The following NTM variants were observed in gnomAD, a reference collection of about 807,000 sequenced individuals.
NTM encodes the protein IgLON family member 2.
In NTM, 13 loss-of-function variants were observed where a neutral mutation model predicts 42.1. The ratio of observed to expected loss-of-function variants is 0.31; its 90% CI spans 0.20 to 0.49. NTM has a LOEUF of 0.49. Among genes scored for constraint, NTM ranks in the 20% least tolerant of loss-of-function variants. NTM has a pLI of 0.99. For missense variants in NTM, 373 were observed against 452.8 expected (o/e 0.82, Z 1.60); for synonymous variants, 187 against 179.2 (o/e 1.04, Z -0.35).
At chr11:132,215,665 A>T (rs1185816929) in intron 4 of NTM, among the ~76,000 whole-genome samples, 2 of 152,180 alleles carry the variant, frequency 1.3e-5, no homozygotes, top group East Asian at 3.8e-4. Flanking sequence ...ACTTCCATTG[A>T]TTGTTTGAAT....
chr11:131,419,845 G>A (rs779132578), intron 1 of NTM, among the ~76,000 whole-genome samples: 46 of 152,272 alleles, frequency 3.0e-4, no homozygotes, highest in Middle Eastern at 6.8e-3. Context: ...AGAAATGCTG[G>A]CGGCTTAGAC....
chr11:131,508,942 G>C (rs1316683465), intron 1 of NTM, among the ~76,000 whole-genome samples: 2 of 146,222 alleles, frequency 1.4e-5, no homozygotes, highest in South Asian at 2.3e-4. Context: ...GCTAGATGAC[G>C]AGTTACTGGG....
intron 1 of NTM, among the ~76,000 whole-genome samples, chr11:131,635,615 C>A (rs1484388487): frequency 4.6e-5 from 7 of 151,960 alleles, no homozygotes; most frequent in Admixed American, 2.0e-4. Flanking sequence ...ACAAGTTGAG[C>A]TAAAGTTAAT....
chr11:131,888,415 T>A (rs1452439005), intron 1 of NTM, among the ~76,000 whole-genome samples: 1 of 152,152 alleles, frequency 6.6e-6, no homozygotes, highest in African/African-American at 2.4e-5. Flanking sequence ...CATGACTCAT[T>A]TTGACCCATC....
chr11:132,259,276 G>GA lies in NTM; in HGVS notation c.526+47138dup, dbSNP rs906228986. Among the ~76,000 whole-genome samples the GA allele has an allele frequency of 1.0e-4, 15 of 150,206 alleles. 1 individual carries two copies. The highest frequency in any genetic ancestry group is 8.4e-4 in the South Asian group (4 of 4,748). On this transcript the variant is annotated intron_variant, in intron 4 of 8. Coordinates refer to ENST00000683400, the MANE Select transcript of NTM (RefSeq NM_001352005.2). ...TAAATTCCAATGCATAAATTTAAAAGAAAAAAAAAGACCTTGAGGCAGGGT... is the reference window on the plus strand; with the variant it reads ...TAAATTCCAATGCATAAATTTAAAAGAAAAAAAAAAGACCTTGAGGCAGGGT...
chr11:132,189,982 C>A (rs983595173), intron 3 of NTM, among the ~76,000 whole-genome samples: 1 of 152,110 alleles, frequency 6.6e-6, no homozygotes, highest in Non-Finnish European at 1.5e-5. Context: ...GGTACATATA[C>A]GAATAGTTGC....
intron 4 of NTM, among the ~76,000 whole-genome samples, chr11:132,218,844 C>T (rs967819380): frequency 2.0e-5 from 3 of 152,160 alleles, no homozygotes; most frequent in Admixed American, 1.3e-4. Flanking sequence ...ACAATGACTG[C>T]ATTTCCATGA....
At chr11:131,772,321 T>A (rs2086240073) in intron 1 of NTM, among the ~76,000 whole-genome samples, 1 of 152,164 alleles carries the variant, frequency 6.6e-6, no homozygotes, top group African/African-American at 2.4e-5. Flanking sequence ...CTCCCCAACT[T>A]GAATGTGGGA....
intron 1 of NTM, among the ~76,000 whole-genome samples, chr11:131,434,360 C>T (rs1417474299): frequency 1.3e-5 from 2 of 152,166 alleles, no homozygotes; most frequent in Admixed American, 1.3e-4. Flanking sequence ...GAGGAATTGC[C>T]ACACTGTCTT....
chr11:131,651,386 T>G (rs979813271), intron 1 of NTM, among the ~76,000 whole-genome samples: 3 of 152,260 alleles, frequency 2.0e-5, no homozygotes, highest in Non-Finnish European at 4.4e-5. Context: ...CATTGTTATC[T>G]GCATTCAAAT....
At chr11:132,269,275 C>T (rs2093366115) in intron 4 of NTM, among the ~76,000 whole-genome samples, 1 of 151,778 alleles carries the variant, frequency 6.6e-6, no homozygotes, top group Non-Finnish European at 1.5e-5. Context: ...ACAGAGAGGG[C>T]AATACTAGTG....
Position 131,813,016 on chromosome 11 carries a change from C to T in NTM, c.83-98548C>T, listed in dbSNP as rs560399846. On this transcript the variant is annotated intron_variant, in intron 1 of 8. Transcript: ENST00000683400. ...TTTTATGACAACGTTTCAGTTTTGCCCTATCTATGGCTTTGCCTTTAGTGA... is the reference window on the plus strand; with the variant it reads ...TTTTATGACAACGTTTCAGTTTTGCTCTATCTATGGCTTTGCCTTTAGTGA... 3.3e-5 allele frequency among the ~76,000 whole-genome samples: 5 copies of T among 152,218 alleles called. No homozygotes were observed. In the South Asian group the frequency reaches 1.0e-3, roughly 32 times the overall value.
chr11:132,121,729 TC>T, intron 2 of NTM, among the ~76,000 whole-genome samples: 1 of 152,120 alleles, frequency 6.6e-6, no homozygotes, highest in East Asian at 1.9e-4. Context: ...CCTCTGTTCC[TC>T]CCCCCTCTCT....
chr11:132,007,341 A>T (rs1237544040), intron 2 of NTM, among the ~76,000 whole-genome samples: 1 of 152,166 alleles, frequency 6.6e-6, no homozygotes, highest in Admixed American at 6.5e-5. Context: ...TCCCAGGATC[A>T]CTTAAGAGCA....
chr11:132,083,919 G>C (rs1260858963), intron 2 of NTM, among the ~76,000 whole-genome samples: 2 of 151,114 alleles, frequency 1.3e-5, no homozygotes, highest in Non-Finnish European at 2.9e-5. Context: ...AATTATTAAA[G>C]ACTTTAAATA....
At chr11:131,514,733 T>C (rs2136492302) in intron 1 of NTM, among the ~76,000 whole-genome samples, 1 of 151,852 alleles carries the variant, frequency 6.6e-6, no homozygotes, top group Admixed American at 6.6e-5. Context: ...TCCCTACAGG[T>C]CCATGCTACC....
At chr11:132,114,090 C>T (rs888060539) in intron 2 of NTM, among the ~76,000 whole-genome samples, 7 of 151,998 alleles carry the variant, frequency 4.6e-5, no homozygotes, top group Non-Finnish European at 8.8e-5. Context: ...CTTTAAAAGG[C>T]GTCTTTTGAA....
At chr11:132,111,473 C>G (rs180832390) in intron 2 of NTM, among the ~76,000 whole-genome samples, 126 of 152,202 alleles carry the variant, frequency 8.3e-4, no homozygotes, top group Admixed American at 2.0e-3. Context: ...AGCCTTCATA[C>G]AGCTTTAATG....
chr11:131,794,505 G>A (rs1464943047), intron 1 of NTM: 1 of 985,188 alleles, frequency 1.0e-6, no homozygotes, highest in Admixed American at 6.2e-5. Flanking sequence ...TTGGGAGTCA[G>A]CCTAAGAAAG....
Sources: allele counts gnomAD v4.1 joint callset (sites outside exome capture counted in the v4.1 genomes callset), GRCh38; gene constraint gnomAD v4.1.1; transcripts MANE v1.5; gene names NCBI Gene and HGNC (gene_info 2026-07-23, HGNC 2026-07-21).